The following TBL1XR1 variants were observed in gnomAD, a reference collection of about 807,000 sequenced individuals.
TBL1XR1 encodes the protein F-box-like/WD repeat-containing protein TBL1XR1.
Under a neutral mutation model 66.9 loss-of-function variants are expected in TBL1XR1, and 5 were observed. The observed-to-expected ratio is 0.07, with a 90% CI of 0.04 to 0.16. The LOEUF (loss-of-function observed/expected upper bound fraction) is 0.16, where lower values mean the gene tolerates loss of function less well. Ranked by LOEUF, TBL1XR1 falls within the 10% of genes least tolerant of loss-of-function variation. The pLI is 1.00. For synonymous variants in TBL1XR1, 210 were observed against 206.0 expected, an observed-to-expected ratio of 1.02 and a Z score of -0.17; for missense variants, 238 against 623.2, an observed-to-expected ratio of 0.38 and a Z score of 6.58.
chr3:177,116,401 T>C (rs1490976246), intron 1 of TBL1XR1, among the ~76,000 whole-genome samples: 3 of 152,162 alleles, frequency 2.0e-5, no homozygotes, highest in African/African-American at 7.2e-5. Context: ...TGACCTTCTA[T>C]TTCTAGGATG....
rs748134369 is a variant in TBL1XR1, at chr3:177,026,359, T to C, written c.1518+14A>G. 1.2e-6 allele frequency: 2 copies of C among 1,606,976 alleles called. No homozygotes were observed. Among genetic ancestry groups the C allele is most frequent in the Non-Finnish European group, 1.7e-6 (2 of 1,175,368 alleles). On this transcript the variant is annotated intron_variant, in intron 15 of 15. Transcript: ENST00000457928. Reference sequence around the variant, plus strand: ...CCACCCACACCCTCTTTGGAAACACTTTACTATACTTACTGAACCATCTGA... The same window carrying C: ...CCACCCACACCCTCTTTGGAAACACCTTACTATACTTACTGAACCATCTGA...
chr3:177,130,940 T>TGTTTGAGACAAGGGA (rs1402094841), intron 1 of TBL1XR1, among the ~76,000 whole-genome samples: 1 of 152,128 alleles, frequency 6.6e-6, no homozygotes, highest in Non-Finnish European at 1.5e-5. Context: ...TTAAGAGGAT[T>TGTTTGAGACAAGGGA]GTTTGAGACA....
chr3:177,051,705 G>C lies in TBL1XR1; in HGVS notation c.226C>G (p.Arg76Gly). The C allele has an allele frequency of 6.3e-7, 1 of 1,586,546 alleles. No homozygotes were observed. The highest frequency in any genetic ancestry group is 8.6e-7 in the Non-Finnish European group (1 of 1,163,184). ...INEDGTLFDG[R>G]PIESLSLIDA... ...ATCAGGGACAGAGACTCTATTGGTC[G>C]ACCATCAAACAAGGTACCATCCTGG... The change falls in exon 5 of 16, where the codon CGA becomes GGA. Residue 76 changes from arginine to glycine, a missense_variant. By Grantham distance (125) the Arg-to-Gly change is moderately radical (BLOSUM62 -2). Coordinates refer to ENST00000457928, the MANE Select transcript of TBL1XR1 (RefSeq NM_024665.7).
At position 177,024,211 on chromosome 3, in the gene TBL1XR1, T is replaced by G. The variant is rs1712766492; in HGVS notation, c.*1287A>C. The G allele has an allele frequency of 6.6e-6, 1 of 152,548 alleles. No individual in the cohort carries two copies. The highest frequency in any genetic ancestry group is 1.5e-5 in the Non-Finnish European group (1 of 67,968). The allele number at this position is 152,548 out of a possible 1,614,324, so 9.4% of individuals were successfully genotyped here. A position where few individuals can be genotyped will look rare whatever the true frequency, so the allele number is the denominator to read the frequency against. On this transcript the variant is annotated 3_prime_UTR_variant, in exon 16 of 16. Coordinates refer to ENST00000457928, the MANE Select transcript of TBL1XR1 (RefSeq NM_024665.7). ...AGGAAGAAGGTTAGTGCAATTATACTTTCATTAAAAAAAATTCTGAATCAC... is the reference window on the plus strand; with the variant it reads ...AGGAAGAAGGTTAGTGCAATTATACGTTCATTAAAAAAAATTCTGAATCAC...
intron 15 of TBL1XR1, chr3:177,026,152 C>T: frequency 2.0e-6 from 1 of 511,944 alleles, no homozygotes; most frequent in Non-Finnish European, 3.4e-6. Context: ...AATAACTGTC[C>T]ATTTCTAGAT....
intron 1 of TBL1XR1, among the ~76,000 whole-genome samples, chr3:177,114,481 T>C (rs1726050432): frequency 1.3e-5 from 2 of 151,944 alleles, no homozygotes. Context: ...TTTAACTTTT[T>C]GTAGAGACGG....
chr3:177,073,479 C>A (rs1456483200), intron 2 of TBL1XR1, among the ~76,000 whole-genome samples: 1 of 152,190 alleles, frequency 6.6e-6, no homozygotes, highest in Non-Finnish European at 1.5e-5. Flanking sequence ...ATGGCATCTA[C>A]TAACTCTAAA....
chr3:177,051,448 T>A (rs2108495960), intron 5 of TBL1XR1, 56 bp downstream of exon 5: 2 of 1,492,322 alleles, frequency 1.3e-6, no homozygotes, highest in East Asian at 2.4e-5. Context: ...ATTAAAAGTT[T>A]AAAAAAATAA....
At chr3:177,050,851 G>A (rs1386121515) in intron 5 of TBL1XR1, among the ~76,000 whole-genome samples, 1 of 151,716 alleles carries the variant, frequency 6.6e-6, no homozygotes, top group Non-Finnish European at 1.5e-5. Flanking sequence ...AGTGGGATGG[G>A]AGACTTTAAA....
chr3:177,133,604 G>C (rs1379036860), intron 1 of TBL1XR1, among the ~76,000 whole-genome samples: 1 of 152,076 alleles, frequency 6.6e-6, no homozygotes, highest in African/African-American at 2.4e-5. Context: ...TACATGCACA[G>C]AAGTAACACT....
chr3:177,197,815 G>A (rs1165812016), upstream of TBL1XR1, among the ~76,000 whole-genome samples: 1 of 147,658 alleles, frequency 6.8e-6, no homozygotes, highest in Non-Finnish European at 1.5e-5. Context: ...GAGCCCCGCG[G>A]GCACTCGAAG....
At chr3:177,067,874 G>A (rs1441454567) in intron 2 of TBL1XR1, among the ~76,000 whole-genome samples, 23 of 152,264 alleles carry the variant, frequency 1.5e-4, no homozygotes, top group Admixed American at 1.3e-3. Flanking sequence ...CCAAATGAAC[G>A]CTCTAGGATG....
At chr3:177,125,061 A>C (rs184235425) in intron 1 of TBL1XR1, among the ~76,000 whole-genome samples, 1 of 152,296 alleles carries the variant, frequency 6.6e-6, no homozygotes. Context: ...CAAAAGAAAA[A>C]AACAATAAAC....
chr3:177,176,618 GC>G (rs1261433201), intron 1 of TBL1XR1, among the ~76,000 whole-genome samples: 1 of 151,522 alleles, frequency 6.6e-6, no homozygotes, highest in Non-Finnish European at 1.5e-5. Flanking sequence ...TTCGAGACCA[GC>G]CCGGCCAACA....
At chr3:177,102,053 C>T (rs1400715813) in intron 1 of TBL1XR1, among the ~76,000 whole-genome samples, 2 of 151,980 alleles carry the variant, frequency 1.3e-5, no homozygotes, top group Non-Finnish European at 2.9e-5. Flanking sequence ...CATACATCTA[C>T]CTTTATAGAA....
At chr3:177,098,025 G>A (rs1723711432) in intron 2 of TBL1XR1, among the ~76,000 whole-genome samples, 1 of 152,088 alleles carries the variant, frequency 6.6e-6, no homozygotes, top group Admixed American at 6.5e-5. Flanking sequence ...TGGCCAACAT[G>A]GTGAAATCCT....
chr3:177,105,242 A>G (rs1229396545), intron 1 of TBL1XR1, among the ~76,000 whole-genome samples: 2 of 152,260 alleles, frequency 1.3e-5, no homozygotes, highest in African/African-American at 4.8e-5. Flanking sequence ...TGTAACTTAC[A>G]GTGCCTTTGA....
intron 14 of TBL1XR1, among the ~76,000 whole-genome samples, chr3:177,030,129 TATAG>T (rs917276663): frequency 2.8e-5 from 4 of 143,702 alleles, no homozygotes; most frequent in African/African-American, 7.5e-5. Flanking sequence ...TGTATATATA[TATAG>T]AGAGAGAGAG....
Position 177,098,451 on chromosome 3 carries a change from G to A in TBL1XR1, c.-46+15C>T. 1 of 983,250 alleles carries A rather than the reference G, an allele frequency of 1.0e-6. No homozygotes were observed. The highest frequency in any genetic ancestry group is 1.2e-6 in the Non-Finnish European group (1 of 827,632). 60.9% of individuals were successfully genotyped at this position (983,250 alleles called of 1,614,324 possible). The stretch of plus-strand genomic sequence containing the variant: ...AGAATAAGAAACACTGACATTGGGA[G>A]TTGGAGAGTCTTACCATTGGCAGTG... On this transcript the variant is annotated intron_variant, in intron 2 of 15. Transcript: ENST00000457928.
Sources: gnomAD v4.1 joint callset for allele counts (sites outside exome capture counted in the v4.1 genomes callset) on GRCh38, gnomAD v4.1.1 for gene constraint, MANE v1.5 for transcripts, NCBI Gene and HGNC (gene_info 2026-07-23, HGNC 2026-07-21) for gene names.